The following SLC26A5 variants were observed in gnomAD, a reference collection of about 807,000 sequenced individuals.
The protein encoded by SLC26A5 is prestin.
In SLC26A5, 51 loss-of-function variants were observed where a neutral mutation model predicts 81.0. That is an observed-to-expected ratio of 0.63 (90% confidence interval 0.50 to 0.80). The LOEUF is 0.80. Among genes scored for constraint, SLC26A5 ranks in the 30% least tolerant of loss-of-function variants. The pLI is 0.00. For missense variants in SLC26A5, 771 were observed against 905.8 expected (o/e 0.85, Z 1.91); for synonymous variants, 325 against 332.8 (o/e 0.98, Z 0.25).
downstream of SLC26A5, among the ~76,000 whole-genome samples, chr7:103,372,121 G>A (rs546200633): frequency 6.6e-6 from 1 of 152,346 alleles, no homozygotes; most frequent in Admixed American, 6.5e-5. Flanking sequence ...TCAGAAGGCA[G>A]TCCGTATCAG....
chr7:103,417,155 A>G (rs893910059), intron 4 of SLC26A5, among the ~76,000 whole-genome samples: 6 of 152,020 alleles, frequency 3.9e-5, no homozygotes, highest in African/African-American at 9.7e-5. Context: ...GTGGATCACA[A>G]GGTCAAGAGA....
At chr7:103,421,690 C>A in intron 2 of SLC26A5, 123 bp from the exon 3 acceptor site, 1 of 666,760 alleles carries the variant, frequency 1.5e-6, no homozygotes, top group Non-Finnish European at 2.6e-6. Flanking sequence ...CCCAGAGGAC[C>A]TAATGTATTG....
At position 103,407,850 on chromosome 7, in the gene SLC26A5, C is replaced by G. The variant is rs1824177889; in HGVS notation, c.888+1G>C. ...TAGGTCACTGACCGAAGGTGACTTACCGCAAAGAACTCTAAAGGAATAGGC... is the reference window on the plus strand; with the variant it reads ...TAGGTCACTGACCGAAGGTGACTTAGCGCAAAGAACTCTAAAGGAATAGGC... On this transcript the variant is annotated splice_donor_variant, in intron 8 of 19. Coordinates refer to ENST00000306312, the MANE Select transcript of SLC26A5 (RefSeq NM_198999.3). LOFTEE classifies it high-confidence loss of function. 1 of 1,614,024 alleles carries G rather than the reference C, an allele frequency of 6.2e-7. No homozygotes were observed. The highest frequency in any genetic ancestry group is 8.5e-7 in the Non-Finnish European group (1 of 1,179,950).
chr7:103,360,461 G>A (rs1820315713), intron 19 of SLC26A5, among the ~76,000 whole-genome samples: 1 of 152,072 alleles, frequency 6.6e-6, no homozygotes, highest in Non-Finnish European at 1.5e-5. Context: ...TCAGGACAAA[G>A]CATTCTTTTT....
chr7:103,410,851 G>A (rs756814204), intron 6 of SLC26A5, among the ~76,000 whole-genome samples: 3 of 151,916 alleles, frequency 2.0e-5, no homozygotes, highest in Non-Finnish European at 1.5e-5. Flanking sequence ...GGGTGGTCTC[G>A]AACTCCTGAC....
chr7:103,381,933 TCA>T (rs59960919), intron 14 of SLC26A5, among the ~76,000 whole-genome samples: 29 of 149,256 alleles, frequency 1.9e-4, no homozygotes, highest in South Asian at 6.4e-4. Context: ...ACACTTCACA[TCA>T]CACACACACA....
At chr7:103,380,968 A>G (rs959596147) in intron 14 of SLC26A5, among the ~76,000 whole-genome samples, 1 of 151,528 alleles carries the variant, frequency 6.6e-6, no homozygotes, top group Non-Finnish European at 1.5e-5. Flanking sequence ...ACATGCATAC[A>G]TACCACATGT....
In SLC26A5 at chr7:103,406,841, C is replaced by T. The variant is rs544986673; in HGVS notation, c.888+1010G>A. ...TAATTTTTTGTATTTTTAGTAGAGA[C>T]GGGGTTTCACCATGTTAGCCAGGCT... On this transcript the variant is annotated intron_variant, in intron 8 of 19. Coordinates refer to ENST00000306312, the MANE Select transcript of SLC26A5 (RefSeq NM_198999.3). Among the ~76,000 whole-genome samples the T allele has an allele frequency of 7.9e-5, 12 of 152,196 alleles. No homozygotes were observed. The South Asian group carries it at 2.1e-3, about 26-fold the overall frequency.
intron 7 of SLC26A5, among the ~76,000 whole-genome samples, chr7:103,408,888 C>T (rs772886102): frequency 3.5e-4 from 53 of 152,188 alleles, no homozygotes; most frequent in Non-Finnish European, 5.3e-4. Flanking sequence ...ACAACATGCA[C>T]CCTTTCCTAT....
intron 2 of SLC26A5, among the ~76,000 whole-genome samples, chr7:103,430,155 T>C (rs1474115992): frequency 1.3e-5 from 2 of 150,118 alleles, no homozygotes; most frequent in Non-Finnish European, 3.0e-5. Flanking sequence ...CTCGGCTCAC[T>C]GCAACCTCTG....
rs1586170623 is a variant in SLC26A5, at chr7:103,364,383, C to G, written c.2042-11457G>C. The G allele has an allele frequency of 1.3e-5, 19 of 1,516,590 alleles. No individual in the cohort carries two copies. In the East Asian group the frequency reaches 4.3e-4, roughly 34 times the overall value. The allele number at this position is 1,516,590 out of a possible 1,614,324, so 93.9% of individuals were successfully genotyped here. A position where few individuals can be genotyped will look rare whatever the true frequency, so the allele number is the denominator to read the frequency against. On this transcript the variant is annotated intron_variant, in intron 19 of 19. Coordinates refer to the SLC26A5 transcript ENST00000339444. ...ATGAATGAAATTAAAAATGGCACTT[C>G]TGCATTGAGGGATCCAGACCTGAAA... is the stretch of plus-strand genomic sequence containing the variant.
chr7:103,368,695 AGTG>A (rs1820852728), intron 19 of SLC26A5: 1 of 152,224 alleles, frequency 6.6e-6, no homozygotes, highest in African/African-American at 2.4e-5. Context: ...TGAGCAGTAA[AGTG>A]GTGCAATAAA....
At chr7:103,372,178 A>C (rs980880937), downstream of SLC26A5, among the ~76,000 whole-genome samples, 1 of 152,208 alleles carries the variant, frequency 6.6e-6, no homozygotes, top group African/African-American at 2.4e-5. Flanking sequence ...GAAATAACTA[A>C]GCCAATCTAA....
At chr7:103,361,893 G>A in intron 19 of SLC26A5, 1 of 1,479,638 alleles carries the variant, frequency 6.8e-7, no homozygotes, top group Non-Finnish European at 9.2e-7. Flanking sequence ...ATATAATCTA[G>A]TTAGTTGAAT....
chr7:103,376,834 A>T lies in SLC26A5; in HGVS notation c.2015T>A (p.Ile672Lys). ...ACTGCATCCTGCTAAGTATACATAT[A>T]TACCGACGTCTCCATATTCTTTTAC... ...GIVKEYGDVG[I>K]YVYLAGCSAQ... Residue 672 changes from isoleucine to lysine, a missense_variant, in exon 19 of 20, where the codon ATA becomes AAA. Transcript: ENST00000306312. The T allele has an allele frequency of 6.2e-7, 1 of 1,601,088 alleles. No homozygotes were observed. The highest frequency in any genetic ancestry group is 8.6e-7 in the Non-Finnish European group (1 of 1,168,482).
At chr7:103,398,072 A>C (rs1383613094) in intron 8 of SLC26A5, 58 bp from the exon 9 acceptor site, 1 of 1,291,502 alleles carries the variant, frequency 7.7e-7, no homozygotes, top group Non-Finnish European at 1.1e-6. Flanking sequence ...TACTGCAAAA[A>C]TCAGCTTCAA....
intron 19 of SLC26A5, chr7:103,354,073 C>A: frequency 1.3e-5 from 10 of 760,588 alleles, no homozygotes; most frequent in East Asian, 2.9e-5. Context: ...ATTAAAAAAC[C>A]AAACAAAAAA....
chr7:103,429,651 T>C (rs559234067), intron 2 of SLC26A5, among the ~76,000 whole-genome samples: 11 of 152,248 alleles, frequency 7.2e-5, no homozygotes, highest in Non-Finnish European at 1.3e-4. Context: ...TTAACTATCA[T>C]TGATTAATTA....
chr7:103,365,040 T>A (rs1424317089), intron 19 of SLC26A5, among the ~76,000 whole-genome samples: 1 of 149,024 alleles, frequency 6.7e-6, no homozygotes, highest in Non-Finnish European at 1.5e-5. Context: ...TGATGATTCG[T>A]ATATTTACAA....
Sources: gnomAD v4.1 joint callset for allele counts (sites outside exome capture counted in the v4.1 genomes callset) on GRCh38, gnomAD v4.1.1 for gene constraint, MANE v1.5 for transcripts, NCBI Gene and HGNC (gene_info 2026-07-23, HGNC 2026-07-21) for gene names.